Variants in TXNDC16 observed in about 807,000 individuals in gnomAD.
TXNDC16 encodes thioredoxin domain containing 16.
Under a neutral mutation model 85.6 loss-of-function variants are expected in TXNDC16, and 74 were observed. That is an observed-to-expected ratio of 0.86 (90% CI 0.72 to 1.05). The LOEUF (loss-of-function observed/expected upper bound fraction) is 1.05, where lower values mean the gene tolerates loss of function less well. Among genes scored for constraint, TXNDC16 ranks in the 50% least tolerant of loss-of-function variants. The pLI is 0.00. For missense variants in TXNDC16, 959 were observed against 947.0 expected (o/e 1.01, Z -0.17); for synonymous variants, 335 against 326.5 (o/e 1.03, Z -0.28).
At chr14:52,442,095 T>C (rs2035179428) in intron 18 of TXNDC16, among the ~76,000 whole-genome samples, 1 of 152,186 alleles carries the variant, frequency 6.6e-6, no homozygotes, top group South Asian at 2.1e-4. Context: ...AGAATAACCA[T>C]TTTAAAATGT....
chr14:52,533,449 G>A (rs1431992835), intron 6 of TXNDC16, among the ~76,000 whole-genome samples: 1 of 152,058 alleles, frequency 6.6e-6, no homozygotes, highest in African/African-American at 2.4e-5. Context: ...GTTTATACAT[G>A]TGCTCAAACC....
chr14:52,536,571 G>T, intron 6 of TXNDC16, 148 bp downstream of exon 6: 1 of 742,734 alleles, frequency 1.3e-6, no homozygotes, highest in Non-Finnish European at 2.1e-6. Flanking sequence ...TCCTCGATGT[G>T]GGAAGATAGA....
Position 52,519,157 on chromosome 14 carries a change from A to T in TXNDC16, c.514+15T>A. The T allele has an allele frequency of 6.2e-7, 1 of 1,603,268 alleles. No individual in the cohort carries two copies. The highest frequency in any genetic ancestry group is 1.1e-5 in the South Asian group (1 of 88,668). On this transcript the variant is annotated intron_variant, in intron 7 of 20. Coordinates refer to ENST00000281741, the MANE Select transcript of TXNDC16 (RefSeq NM_020784.3). Reference sequence around the variant, plus strand: ...CAGAGGCACAGCAAAGATTAAAGCAAAAGTTAAAGAATACCTGGTATTCCA... The same window carrying T: ...CAGAGGCACAGCAAAGATTAAAGCATAAGTTAAAGAATACCTGGTATTCCA...
chr14:52,482,780 A>C, intron 13 of TXNDC16, 42 bp downstream of exon 13: 1 of 1,515,064 alleles, frequency 6.6e-7, no homozygotes, highest in Non-Finnish European at 8.8e-7. Flanking sequence ...TGGGTTTTTA[A>C]ATGTCCTAAT....
chr14:52,499,911 T>C (rs911932046), intron 9 of TXNDC16, among the ~76,000 whole-genome samples: 5 of 152,186 alleles, frequency 3.3e-5, no homozygotes, highest in African/African-American at 1.2e-4. Context: ...GTAAATACTA[T>C]GTAAATAGTT....
chr14:52,532,807 A>C lies in TXNDC16; in HGVS notation c.392+3912T>G, dbSNP rs548744201. ...CAGAAAAAAAAAACTGCTAGCCAGG[A>C]ACTGGGTATTTCAAACTGATGGTTT... On this transcript the variant is annotated intron_variant, in intron 6 of 20. Coordinates refer to ENST00000281741, the MANE Select transcript of TXNDC16 (RefSeq NM_020784.3). Among the ~76,000 whole-genome samples, 16 of 152,236 alleles carry C rather than the reference A, an allele frequency of 1.1e-4. No homozygotes were observed. In the East Asian group the frequency reaches 2.3e-3, roughly 22 times the overall value.
Position 52,539,640 on chromosome 14 carries a change from A to G in TXNDC16, c.244-1968T>C, listed in dbSNP as rs140822624. Among the ~76,000 whole-genome samples the G allele has an allele frequency of 2.3e-3, 347 of 152,316 alleles. 6 individuals carry two copies. The East Asian group carries it at 0.043, about 19-fold the overall frequency. On this transcript the variant is annotated intron_variant, in intron 4 of 20. Transcript: ENST00000281741. ...TTAGGAGGCTATTGTGGTTTCCCCA[A>G]TGAGAAGAGATGGCAGGAAGAAGTA...
intron 20 of TXNDC16, 145 bp from the exon 21 acceptor site, chr14:52,432,732 T>A: frequency 1.3e-6 from 1 of 763,942 alleles, no homozygotes; most frequent in South Asian, 2.9e-5. Flanking sequence ...GCTAGGAATT[T>A]TTTTACTGTC....
At chr14:52,538,089 A>G (rs2037744636) in intron 4 of TXNDC16, among the ~76,000 whole-genome samples, 1 of 152,238 alleles carries the variant, frequency 6.6e-6, no homozygotes, top group African/African-American at 2.4e-5. Flanking sequence ...GAACTTTGCT[A>G]AAAGCAAGTG....
chr14:52,509,394 TTC>T (rs2036898772), intron 9 of TXNDC16, among the ~76,000 whole-genome samples: 1 of 152,058 alleles, frequency 6.6e-6, no homozygotes, highest in Non-Finnish European at 1.5e-5. Context: ...GAACTGTCCT[TTC>T]TCTTTCTCTC....
At chr14:52,463,118 A>C (rs576101702) in intron 16 of TXNDC16, 2 of 368,692 alleles carry the variant, frequency 5.4e-6, no homozygotes, top group Middle Eastern at 1.8e-3. Flanking sequence ...ACTAGATCTA[A>C]GTCAGTTAAT....
At chr14:52,490,161 G>C (rs1437047586) in intron 11 of TXNDC16, among the ~76,000 whole-genome samples, 22 of 151,976 alleles carry the variant, frequency 1.4e-4, no homozygotes. Context: ...AGAATATATA[G>C]CATAATTCTG....
intron 18 of TXNDC16, among the ~76,000 whole-genome samples, chr14:52,444,874 A>T (rs910872468): frequency 3.9e-5 from 6 of 152,140 alleles, no homozygotes; most frequent in African/African-American, 1.2e-4. Context: ...ACCTAAAAGG[A>T]TGTTCCCTGA....
intron 20 of TXNDC16, among the ~76,000 whole-genome samples, chr14:52,436,805 G>A (rs999202775): frequency 1.3e-5 from 2 of 151,934 alleles, no homozygotes; most frequent in African/African-American, 4.8e-5. Flanking sequence ...GTATACCAGA[G>A]TGTATGTGTA....
chr14:52,529,864 T>C (rs1335260915), intron 6 of TXNDC16, among the ~76,000 whole-genome samples: 1 of 107,342 alleles, frequency 9.3e-6, no homozygotes, highest in Non-Finnish European at 1.7e-5. Context: ...TTATATATAA[T>C]ATGATACCTA....
In TXNDC16 at chr14:52,431,011, G is replaced by T. The variant is rs1056293183; in HGVS notation, c.*1293C>A. ...AATTTAAAGAACAAGATATCAAGTA[G>T]ATATTAAAAAGAAAAATACAGTAGA... On this transcript the variant is annotated 3_prime_UTR_variant, in exon 21 of 21. Coordinates refer to ENST00000281741, the MANE Select transcript of TXNDC16 (RefSeq NM_020784.3). The T allele has an allele frequency of 6.6e-6, 1 of 152,132 alleles. No homozygotes were observed. The highest frequency in any genetic ancestry group is 1.5e-5 in the Non-Finnish European group (1 of 68,032). 9.4% of individuals were successfully genotyped at this position (152,132 alleles called of 1,614,324 possible). A position where few individuals can be genotyped will look rare whatever the true frequency, so the allele number is the denominator to read the frequency against.
intron 9 of TXNDC16, among the ~76,000 whole-genome samples, chr14:52,505,106 A>C (rs112760117): frequency 0.13 from 20,218 of 152,126 alleles, 1,561 homozygotes; most frequent in African/African-American, 0.21. Context: ...ACTTAGACTC[A>C]CACACAATAA....
intron 4 of TXNDC16, among the ~76,000 whole-genome samples, chr14:52,540,498 G>A (rs11627889): frequency 0.086 from 13,121 of 152,054 alleles, 628 homozygotes; most frequent in East Asian, 0.14. Context: ...GGTGGCATGC[G>A]CCTGTAGTCC....
rs1194923407 is a variant in TXNDC16, at chr14:52,552,394, G to A, written c.-260C>T. On this transcript the variant is annotated 5_prime_UTR_variant, in exon 1 of 21. Transcript: ENST00000281741. ...ACAGTTCCCGCCGCCACGCGACGGA[G>A]GAGGAGGCAGAAGACGGGGCCGTGC... The A allele has an allele frequency of 6.6e-6, 1 of 152,416 alleles. No individual in the cohort carries two copies. Among genetic ancestry groups the A allele is most frequent in the Admixed American group, 6.5e-5 (1 of 15,290 alleles). The allele number at this position is 152,416 out of a possible 1,614,324, so 9.4% of individuals were successfully genotyped here.
Sources: allele counts gnomAD v4.1 joint callset (sites outside exome capture counted in the v4.1 genomes callset), GRCh38; gene constraint gnomAD v4.1.1; transcripts MANE v1.5; gene names NCBI Gene and HGNC (gene_info 2026-07-23, HGNC 2026-07-21).